Variants in PCDH15 observed in about 807,000 individuals in gnomAD.
PCDH15 encodes the protein protocadherin-15.
In PCDH15, 129 loss-of-function variants were observed where a neutral mutation model predicts 178.5. The ratio of observed to expected loss-of-function variants is 0.72; its 90% CI spans 0.63 to 0.84. The LOEUF (loss-of-function observed/expected upper bound fraction) is 0.84. Ranked by LOEUF, PCDH15 falls within the 40% of genes least tolerant of loss-of-function variation. The probability of loss-of-function intolerance (pLI) is 0.00; values close to 1 mark genes in which losing one functional copy is unlikely to be tolerated. For missense variants in PCDH15, 2,230 were observed against 2,099.9 expected, an observed-to-expected ratio of 1.06 and a Z score of -1.21; for synonymous variants, 800 against 732.0, an observed-to-expected ratio of 1.09 and a Z score of -1.50.
rs540663435 is a variant in PCDH15, at chr10:55,011,568, A to C, written c.-79-114068T>G. Among the ~76,000 whole-genome samples the C allele has an allele frequency of 7.9e-5, 12 of 152,226 alleles. No individual in the cohort carries two copies. In the South Asian group the frequency reaches 2.3e-3, roughly 29 times the overall value. On this transcript the variant is annotated intron_variant, in intron 2 of 5. Transcript: ENST00000458638. ...TTTGACTTAAGATTTTACATACTTT[A>C]AATTATTCATGGTTTAAAAATGAAA...
At chr10:54,994,708 T>A (rs1839592349) in intron 2 of PCDH15, among the ~76,000 whole-genome samples, 1 of 152,154 alleles carries the variant, frequency 6.6e-6, no homozygotes, top group African/African-American at 2.4e-5. Context: ...TGTGTGTGTA[T>A]AAAATACCTA....
chr10:54,082,631 T>C (rs2094451537), intron 16 of PCDH15, among the ~76,000 whole-genome samples: 1 of 152,116 alleles, frequency 6.6e-6, no homozygotes, highest in Non-Finnish European at 1.5e-5. Flanking sequence ...AATTGAAACC[T>C]GTAAACAACT....
intron 13 of PCDH15, among the ~76,000 whole-genome samples, chr10:54,172,735 A>G (rs2047046890): frequency 6.6e-6 from 1 of 152,206 alleles, no homozygotes; most frequent in Admixed American, 6.5e-5. Context: ...GAGCGTGAAT[A>G]TAGTCAAAAT....
Position 53,959,804 on chromosome 10 carries a change from G to A in PCDH15, c.3050C>T (p.Ser1017Phe), listed in dbSNP as rs749456118. ...VAFDDGEPVMSSSATVKILVL... is the reference protein window; with the variant it reads ...VAFDDGEPVMFSSATVKILVL... The stretch of plus-strand genomic sequence containing the variant: ...AAGAATCTTCACTGTGGCACTGCTG[G>A]ACATCACAGGCTCCCCATCATCAAA... Residue 1017 changes from serine (S) to phenylalanine (F), a missense_variant, in exon 23 of 38, where the codon TCC (serine) becomes TTC (phenylalanine). Ser to Phe is a radical substitution (Grantham distance 155). Transcript: ENST00000644397. The A allele has an allele frequency of 5.0e-6, 8 of 1,613,896 alleles. No individual in the cohort carries two copies. Among genetic ancestry groups the A allele is most frequent in the Admixed American group, 1.7e-5 (1 of 59,980 alleles).
chr10:53,917,238 T>C (rs1328940722), intron 25 of PCDH15, among the ~76,000 whole-genome samples: 1 of 152,070 alleles, frequency 6.6e-6, no homozygotes, highest in East Asian at 1.9e-4. Context: ...CAGTATATAA[T>C]ATTTGACCTA....
Position 54,125,160 on chromosome 10 carries a change from T to C in PCDH15, c.1917+7715A>G, listed in dbSNP as rs75579723. Reference sequence around the variant, plus strand: ...TTAGTCAAATGTGTGGTTTTTTTTTTCCCTTCAGGTAACTGGAGGTGTCAA... The same window carrying C: ...TTAGTCAAATGTGTGGTTTTTTTTTCCCCTTCAGGTAACTGGAGGTGTCAA... On this transcript the variant is annotated intron_variant, in intron 15 of 37. Coordinates refer to ENST00000644397, the MANE Select transcript of PCDH15 (RefSeq NM_001384140.1). Among the ~76,000 whole-genome samples the C allele has an allele frequency of 3.5e-4, 53 of 152,102 alleles. 1 individual carries two copies. The highest frequency in any genetic ancestry group is 6.9e-4 in the Non-Finnish European group (47 of 68,016).
At chr10:54,697,661 G>GAA (rs397976953) in intron 1 of PCDH15, among the ~76,000 whole-genome samples, 200 of 89,242 alleles carry the variant, frequency 2.2e-3, no homozygotes, top group African/African-American at 2.7e-3. Flanking sequence ...AGGAAGGAAG[G>GAA]GGAAGGGGGA....
At chr10:53,933,743 C>T (rs1347785997) in intron 25 of PCDH15, among the ~76,000 whole-genome samples, 7 of 152,180 alleles carry the variant, frequency 4.6e-5, no homozygotes, top group African/African-American at 1.2e-4. Context: ...CCTGAGGAAT[C>T]GCCACACTGA....
intron 26 of PCDH15, among the ~76,000 whole-genome samples, chr10:53,883,013 T>C (rs10763016): frequency 0.64 from 97,588 of 151,968 alleles, 31,925 homozygotes; most frequent in Middle Eastern, 0.78. Context: ...TTGGTGTTTG[T>C]TCCTTTATGT....
intron 9 of PCDH15, among the ~76,000 whole-genome samples, chr10:54,231,900 G>T (rs1465013242): frequency 6.6e-6 from 1 of 152,074 alleles, no homozygotes; most frequent in Non-Finnish European, 1.5e-5. Context: ...ATTGTATCTT[G>T]TAAGTTTTTT....
intron 3 of PCDH15, among the ~76,000 whole-genome samples, chr10:54,418,902 G>A (rs962995911): frequency 1.3e-5 from 2 of 151,882 alleles, no homozygotes; most frequent in Non-Finnish European, 2.9e-5. Flanking sequence ...GTTGATGTCC[G>A]TAGAGAATTT....
intron 3 of PCDH15, among the ~76,000 whole-genome samples, chr10:54,400,360 C>A (rs1951780767): frequency 6.6e-6 from 1 of 151,892 alleles, no homozygotes; most frequent in South Asian, 2.1e-4. Flanking sequence ...ATTTCTTTAC[C>A]CCCAGAAAAT....
At chr10:54,871,202 T>G (rs1433751941) in intron 3 of PCDH15, among the ~76,000 whole-genome samples, 6 of 152,288 alleles carry the variant, frequency 3.9e-5, no homozygotes, top group African/African-American at 7.2e-5. Flanking sequence ...TCTGAACAGA[T>G]TTATCAAAGG....
At chr10:54,905,651 G>C (rs1954706250) in intron 2 of PCDH15, among the ~76,000 whole-genome samples, 1 of 152,086 alleles carries the variant, frequency 6.6e-6, no homozygotes, top group Non-Finnish European at 1.5e-5. Context: ...AAGGAAACTA[G>C]GTCGTGAAAG....
chr10:54,441,575 A>G (rs758483954), intron 3 of PCDH15, among the ~76,000 whole-genome samples: 7 of 151,932 alleles, frequency 4.6e-5, no homozygotes, highest in Non-Finnish European at 4.4e-5. Context: ...TGCAAGTTCA[A>G]TAAGTTATTC....
At chr10:55,591,616 G>C (rs1184250401) in intron 2 of PCDH15, among the ~76,000 whole-genome samples, 1 of 152,004 alleles carries the variant, frequency 6.6e-6, no homozygotes, top group East Asian at 1.9e-4. Context: ...ACAAACTTTT[G>C]CTTTCTTTTT....
chr10:55,330,014 CAT>C (rs1173619270), intron 2 of PCDH15, among the ~76,000 whole-genome samples: 3 of 151,854 alleles, frequency 2.0e-5, no homozygotes, highest in African/African-American at 2.4e-5. Context: ...ACATAATTGA[CAT>C]GTTATGAACT....
chr10:54,828,461 A>G (rs1953166238), intron 3 of PCDH15, among the ~76,000 whole-genome samples: 1 of 149,142 alleles, frequency 6.7e-6, no homozygotes, highest in African/African-American at 2.5e-5. Context: ...AATCCTGCTC[A>G]TTGATGTTGT....
intron 2 of PCDH15, among the ~76,000 whole-genome samples, chr10:55,557,179 T>C: frequency 6.6e-6 from 1 of 152,156 alleles, no homozygotes; most frequent in East Asian, 1.9e-4. Flanking sequence ...CAAACCTAGT[T>C]GCAATATATT....
Sources: allele counts gnomAD v4.1 joint callset (sites outside exome capture counted in the v4.1 genomes callset), GRCh38; gene constraint gnomAD v4.1.1; transcripts MANE v1.5; gene names NCBI Gene and HGNC (gene_info 2026-07-23, HGNC 2026-07-21).